Variants in CASR observed in about 807,000 individuals in gnomAD.
CASR encodes calcium sensing receptor.
CASR carries 23 observed loss-of-function variants against 69.1 expected under a neutral mutation model. The ratio of observed to expected loss-of-function variants is 0.33; its 90% CI spans 0.24 to 0.47. CASR has a LOEUF of 0.47. CASR is among the 20% of genes least tolerant of loss of function. The probability of loss-of-function intolerance (pLI) is 1.00; values close to 1 mark genes in which losing one functional copy is unlikely to be tolerated. For missense variants in CASR, 924 were observed against 1,356.1 expected (o/e 0.68, Z 5.00); for synonymous variants, 541 against 544.7 (o/e 0.99, Z 0.10).
intron 1 of CASR, among the ~76,000 whole-genome samples, chr3:122,195,918 T>C (rs574351148): frequency 3.9e-5 from 6 of 152,328 alleles, no homozygotes; most frequent in Admixed American, 3.3e-4. Flanking sequence ...TAGCAATACA[T>C]ATAAAAAGCT....
chr3:122,267,796 G>A (rs764587912), intron 4 of CASR, among the ~76,000 whole-genome samples: 2 of 152,094 alleles, frequency 1.3e-5, no homozygotes, highest in Non-Finnish European at 2.9e-5. Context: ...AAAAAATAAC[G>A]GAAAGTCCCC....
At chr3:122,259,878 TGG>T (rs2074600402) in intron 3 of CASR, among the ~76,000 whole-genome samples, 3 of 152,144 alleles carry the variant, frequency 2.0e-5, no homozygotes, top group Middle Eastern at 3.2e-3. Flanking sequence ...ATATTGGACA[TGG>T]AAAATTAATT....
chr3:122,283,544 A>G (rs2107649276), intron 6 of CASR, 143 bp from the exon 7 acceptor site: 1 of 714,226 alleles, frequency 1.4e-6, no homozygotes, highest in Non-Finnish European at 2.5e-6. Flanking sequence ...TTGATAATGT[A>G]AAAATCAGAA....
Position 122,262,009 on chromosome 3 carries a change from G to A in CASR, c.974G>A (p.Gly325Glu), listed in dbSNP as rs193922444. Reference protein sequence around the residue: ...GGTIGFALKAGQIPGFREFLK... With the variant: ...GGTIGFALKAEQIPGFREFLK... ...ACCATTGGATTCGCTCTGAAGGCTG[G>A]GCAGATCCCAGGCTTCCGGGAATTC... Residue 325 changes from glycine to glutamate, a missense_variant, in exon 4 of 7, where the codon GGG becomes GAG. By Grantham distance (98) the Gly-to-Glu change is moderately conservative. This residue lies in a region of CASR where 310 missense variants were observed against 395.7 expected (regional missense o/e 0.78). Transcript: ENST00000639785. The A allele has an allele frequency of 6.2e-7, 1 of 1,614,060 alleles. No individual in the cohort carries two copies. Among genetic ancestry groups the A allele is most frequent in the African/African-American group, 1.3e-5 (1 of 74,908 alleles).
chr3:122,217,923 T>A (rs760748283), intron 1 of CASR, among the ~76,000 whole-genome samples: 8 of 151,968 alleles, frequency 5.3e-5, no homozygotes, highest in Non-Finnish European at 7.4e-5. Context: ...TAGTCACATC[T>A]AAGCAGAGTG....
intron 1 of CASR, among the ~76,000 whole-genome samples, chr3:122,248,711 T>C (rs1243938422): frequency 6.6e-6 from 1 of 152,106 alleles, no homozygotes; most frequent in Non-Finnish European, 1.5e-5. Flanking sequence ...GGTCTGCGCC[T>C]GGGTTTTCTC....
At chr3:122,226,077 G>A (rs574194105) in intron 1 of CASR, among the ~76,000 whole-genome samples, 34 of 152,292 alleles carry the variant, frequency 2.2e-4, no homozygotes, top group South Asian at 1.2e-3. Context: ...CTACATTAAC[G>A]GGGAAGATGG....
intron 5 of CASR, among the ~76,000 whole-genome samples, chr3:122,278,223 T>C (rs2074846241): frequency 6.6e-6 from 1 of 152,208 alleles, no homozygotes; most frequent in Non-Finnish European, 1.5e-5. Context: ...TATACTTAAC[T>C]GATGTTCTCA....
intron 1 of CASR, among the ~76,000 whole-genome samples, chr3:122,239,731 T>C (rs2107613904): frequency 6.6e-6 from 1 of 152,336 alleles, no homozygotes; most frequent in South Asian, 2.1e-4. Context: ...AGAAAGGCTG[T>C]GTTTGTTTTG....
intron 1 of CASR, among the ~76,000 whole-genome samples, chr3:122,192,636 T>A (rs1370393450): frequency 6.6e-6 from 1 of 152,228 alleles, no homozygotes; most frequent in Non-Finnish European, 1.5e-5. Context: ...CAGGTATATG[T>A]ATTTTGAACT....
At chr3:122,274,794 A>C (rs3792290) in intron 4 of CASR, among the ~76,000 whole-genome samples, 25,717 of 152,126 alleles carry the variant, frequency 0.17, 2,605 homozygotes, top group East Asian at 0.4. Context: ...CAGGAGGTGC[A>C]GTGGAAGGTG....
intron 1 of CASR, among the ~76,000 whole-genome samples, chr3:122,212,289 T>C (rs1307082306): frequency 1.3e-5 from 2 of 152,176 alleles, no homozygotes; most frequent in Admixed American, 1.3e-4. Context: ...GCCATTATCC[T>C]CAGCAAACTA....
intron 1 of CASR, among the ~76,000 whole-genome samples, chr3:122,208,681 T>C (rs2074032590): frequency 6.6e-6 from 1 of 152,210 alleles, no homozygotes; most frequent in South Asian, 2.1e-4. Context: ...CAATTTTATC[T>C]TTCTCCCCAT....
intron 1 of CASR, among the ~76,000 whole-genome samples, chr3:122,238,032 C>T (rs1480323855): frequency 1.3e-5 from 2 of 152,206 alleles, no homozygotes; most frequent in African/African-American, 4.8e-5. Context: ...TGGCTCCCCC[C>T]TGCAGGAACA....
At chr3:122,207,447 A>T (rs547295938) in intron 1 of CASR, among the ~76,000 whole-genome samples, 2 of 152,286 alleles carry the variant, frequency 1.3e-5, no homozygotes, top group African/African-American at 2.4e-5. Flanking sequence ...CACATTTTTT[A>T]AAAAATAGAA....
At chr3:122,194,222 A>G (rs1394915937) in intron 1 of CASR, among the ~76,000 whole-genome samples, 5 of 152,070 alleles carry the variant, frequency 3.3e-5, no homozygotes, top group Non-Finnish European at 5.9e-5. Context: ...AGTGTCCCCA[A>G]ATATACTCGC....
chr3:122,233,586 G>A (rs1039108851), intron 1 of CASR, among the ~76,000 whole-genome samples: 2 of 152,198 alleles, frequency 1.3e-5, no homozygotes, highest in African/African-American at 2.4e-5. Flanking sequence ...ATGTGGGAAC[G>A]GAATTAAAAC....
chr3:122,184,011 C>T (rs1366284134), intron 1 of CASR, among the ~76,000 whole-genome samples, 199 bp downstream of exon 1: 1 of 152,158 alleles, frequency 6.6e-6, no homozygotes, highest in Non-Finnish European at 1.5e-5. Context: ...GAACCCCTGG[C>T]TCGGCACGGG....
intron 4 of CASR, among the ~76,000 whole-genome samples, chr3:122,269,124 G>T (rs1478641702): frequency 6.6e-6 from 1 of 152,150 alleles, no homozygotes; most frequent in Non-Finnish European, 1.5e-5. Flanking sequence ...AAGAAAAGAA[G>T]CAACTTTAAA....
Sources: gnomAD v4.1 joint callset for allele counts (sites outside exome capture counted in the v4.1 genomes callset) on GRCh38, gnomAD v4.1.1 for gene constraint, gnomAD v4.1.1 regional missense constraint, MANE v1.5 for transcripts, NCBI Gene and HGNC (gene_info 2026-07-23, HGNC 2026-07-21) for gene names.